LRRC8C: variants seen among roughly 807,000 people sequenced by gnomAD.
The protein encoded by LRRC8C is leucine rich repeat containing 8 VRAC subunit C, also known as volume-regulated anion channel subunit LRRC8C.
LRRC8C carries 20 observed loss-of-function variants against 55.3 expected under a neutral mutation model. That is an observed-to-expected ratio of 0.36 (90% confidence interval 0.25 to 0.53). LRRC8C has a LOEUF of 0.53. Among genes scored for constraint, LRRC8C ranks in the 20% least tolerant of loss-of-function variants. The pLI is 0.92. For synonymous variants in LRRC8C, 376 were observed against 360.7 expected (o/e 1.04, Z -0.48); for missense variants, 659 against 951.4 (o/e 0.69, Z 4.04).
chr1:89,617,352 C>T, the LRRC8C span, among the ~76,000 whole-genome samples: 1 of 152,228 alleles, frequency 6.6e-6, no homozygotes, highest in Non-Finnish European at 1.5e-5. Flanking sequence ...GTCCAATTGC[C>T]TTGCCCTAAG....
chr1:89,703,120 T>G (rs539486293), intron 2 of LRRC8C, among the ~76,000 whole-genome samples: 2 of 152,180 alleles, frequency 1.3e-5, no homozygotes, highest in Non-Finnish European at 2.9e-5. Flanking sequence ...AGATATGGAG[T>G]AGGATTAATC....
chr1:89,656,118 A>G lies in LRRC8C; in HGVS notation c.-5+22796A>G, dbSNP rs145066066. On this transcript the variant is annotated intron_variant, in intron 1 of 2. Coordinates refer to ENST00000370454, the MANE Select transcript of LRRC8C (RefSeq NM_032270.5). Reference sequence around the variant, plus strand: ...TAGCTCACAACAAAGATTCAACATGAGGGCTCTTTCAGTGAACTTTCCTGA... The same window carrying G: ...TAGCTCACAACAAAGATTCAACATGGGGGCTCTTTCAGTGAACTTTCCTGA... Among the ~76,000 whole-genome samples the G allele has an allele frequency of 3.3e-3, 506 of 152,370 alleles. 2 individuals are homozygous for G. The highest frequency in any genetic ancestry group is 0.012 in the African/African-American group (484 of 41,586).
At chr1:89,674,583 T>C (rs1020650457) in intron 1 of LRRC8C, among the ~76,000 whole-genome samples, 2 of 152,230 alleles carry the variant, frequency 1.3e-5, no homozygotes, top group Non-Finnish European at 2.9e-5. Flanking sequence ...TTATCAGTTT[T>C]AATGCTCCTG....
At chr1:89,687,291 T>G (rs1657909548) in intron 2 of LRRC8C, among the ~76,000 whole-genome samples, 2 of 152,130 alleles carry the variant, frequency 1.3e-5, no homozygotes, top group Admixed American at 1.3e-4. Flanking sequence ...GAAACCCTCA[T>G]TTTGGTTTGG....
At chr1:89,628,602 A>T (rs1656032889), upstream of LRRC8C, among the ~76,000 whole-genome samples, 1 of 152,176 alleles carries the variant, frequency 6.6e-6, no homozygotes, top group Admixed American at 6.5e-5. Flanking sequence ...GTGTAGAAAT[A>T]TGATTGGACA....
intron 1 of LRRC8C, among the ~76,000 whole-genome samples, chr1:89,651,627 A>G (rs1057167667): frequency 2.7e-5 from 4 of 150,734 alleles, no homozygotes; most frequent in Non-Finnish European, 4.4e-5. Context: ...AACCCTAAGT[A>G]TTTGCTTTCC....
At chr1:89,649,399 G>A (rs1004275347) in intron 1 of LRRC8C, among the ~76,000 whole-genome samples, 1 of 152,176 alleles carries the variant, frequency 6.6e-6, no homozygotes, top group African/African-American at 2.4e-5. Context: ...AAAGCTGACA[G>A]GGTAGCTAGT....
At position 89,714,662 on chromosome 1, in the gene LRRC8C, A is replaced by G. The variant is rs1448697341; in HGVS notation, c.2092A>G (p.Ile698Val). 9 of 1,614,052 alleles carry G rather than the reference A, an allele frequency of 5.6e-6. No individual in the cohort carries two copies. Among genetic ancestry groups the G allele is most frequent in the East Asian group, 2.2e-5 (1 of 44,894 alleles). The change falls in exon 3 of 3, where the codon ATC becomes GTC. Residue 698 changes from isoleucine to valine, a missense_variant. By Grantham distance (29) the Ile-to-Val change is conservative. Transcript: ENST00000370454. The surrounding 1 kb of genome is among the most constrained non-coding windows in gnomAD (Gnocchi z 4.6). ...LDLSYNDIRF[I>V]PPEIGVLQSL... is the part of the protein sequence containing the mutation. ...CTTATCGTACAATGACATTCGATTT[A>G]TCCCCCCTGAAATTGGAGTTCTACA...
intron 1 of LRRC8C, among the ~76,000 whole-genome samples, chr1:89,644,205 C>T (rs1337123832): frequency 3.3e-5 from 5 of 152,200 alleles, no homozygotes; most frequent in Non-Finnish European, 5.9e-5. Flanking sequence ...GACAAGGTCT[C>T]GCTCTATTGC....
chr1:89,664,858 C>T (rs1396588502), intron 1 of LRRC8C, among the ~76,000 whole-genome samples: 2 of 152,166 alleles, frequency 1.3e-5, no homozygotes, highest in Non-Finnish European at 2.9e-5. Flanking sequence ...AGATCCTTCA[C>T]ATCCCTTGCA....
chr1:89,694,106 G>A (rs12026126), intron 2 of LRRC8C, among the ~76,000 whole-genome samples: 1 of 152,006 alleles, frequency 6.6e-6, no homozygotes, highest in Non-Finnish European at 1.5e-5. Flanking sequence ...TGGTGTGAAA[G>A]AAACACTATT....
intron 1 of LRRC8C, chr1:89,661,291 G>A (rs1276850055): frequency 9.0e-6 from 3 of 333,112 alleles, no homozygotes; most frequent in South Asian, 9.0e-5. Context: ...TTGGGAGCCA[G>A]TTTGTTCCAG....
chr1:89,713,411 AG>A lies in LRRC8C; in HGVS notation c.842del (p.Ser281MetfsTer20). ...ATTCCTAATCATCATTGCATATAAT[AG>A]TGCTCTGGTTTCCAAGGTCCAGTTT... The part of the protein sequence containing the change: ...IKFLIIIAYN[S>X]ALVSKVQFTV... On this transcript the variant is annotated frameshift_variant, in exon 3 of 3. Transcript: ENST00000370454. LOFTEE classifies it high-confidence loss of function. This position sits in a 1 kb window ranked among gnomAD's most constrained non-coding sequence, Gnocchi z 5.2. 6.2e-7 allele frequency: 1 copy of A among 1,614,200 alleles called. No individual in the cohort carries two copies. The highest frequency in any genetic ancestry group is 8.5e-7 in the Non-Finnish European group (1 of 1,180,020).
chr1:89,704,909 C>A (rs1658432187), intron 2 of LRRC8C, among the ~76,000 whole-genome samples: 1 of 152,014 alleles, frequency 6.6e-6, no homozygotes, highest in Admixed American at 6.5e-5. Context: ...TTGACCCAAC[C>A]ATCCCATTAC....
At chr1:89,712,157 T>C (rs1658666912) in intron 2 of LRRC8C, among the ~76,000 whole-genome samples, 1 of 152,192 alleles carries the variant, frequency 6.6e-6, no homozygotes, top group South Asian at 2.1e-4. Context: ...TTGTCGCCCA[T>C]GTTGGAGTGC....
the LRRC8C span, among the ~76,000 whole-genome samples, chr1:89,625,785 A>G: frequency 1.3e-5 from 2 of 152,228 alleles, no homozygotes; most frequent in African/African-American, 4.8e-5. Flanking sequence ...CAAAACAAAG[A>G]AACAATTGCT....
intron 2 of LRRC8C, among the ~76,000 whole-genome samples, chr1:89,711,758 A>G (rs2101356285): frequency 6.6e-6 from 1 of 152,348 alleles, no homozygotes; most frequent in Admixed American, 6.5e-5. Context: ...TGGTGGAAGG[A>G]TGGTGGTTCT....
At chr1:89,664,270 T>G (rs1477114373) in intron 1 of LRRC8C, among the ~76,000 whole-genome samples, 1 of 152,236 alleles carries the variant, frequency 6.6e-6, no homozygotes, top group East Asian at 1.9e-4. Flanking sequence ...TTTTTATGGT[T>G]TTATGTCTTA....
the LRRC8C span, among the ~76,000 whole-genome samples, chr1:89,621,266 C>G: frequency 8.0e-5 from 12 of 149,924 alleles, no homozygotes; most frequent in African/African-American, 3.0e-4. Context: ...CGAGATCATC[C>G]TGGCTAACAT....
Sources: allele counts gnomAD v4.1 joint callset (sites outside exome capture counted in the v4.1 genomes callset), GRCh38; gene constraint gnomAD v4.1.1; non-coding constraint Gnocchi (gnomAD v3.1); transcripts MANE v1.5; gene names NCBI Gene and HGNC (gene_info 2026-07-23, HGNC 2026-07-21).